Variants in HIVEP3 observed in about 807,000 individuals in gnomAD.
HIVEP3 encodes the protein HIVEP zinc finger 3.
Under a neutral mutation model 152.8 loss-of-function variants are expected in HIVEP3, and 49 were observed. That is an observed-to-expected ratio of 0.32 (90% CI 0.26 to 0.41). The LOEUF (loss-of-function observed/expected upper bound fraction) is 0.41, where lower values mean the gene tolerates loss of function less well. HIVEP3 is among the 10% of genes least tolerant of loss of function. The pLI is 1.00. For synonymous variants in HIVEP3, 1,269 were observed against 1,289.0 expected (o/e 0.98, Z 0.33); for missense variants, 2,790 against 3,103.3 (o/e 0.90, Z 2.40).
At chr1:41,700,787 G>A (rs1646350791) in intron 2 of HIVEP3, 129 bp downstream of exon 2, 2 of 226,440 alleles carry the variant, frequency 8.8e-6, no homozygotes, top group Non-Finnish European at 1.5e-5. Context: ...TCGGTAGCGT[G>A]TGGGGCTCCA....
intron 5 of HIVEP3, 85 bp downstream of exon 5, chr1:41,575,459 C>T (rs1569967026): frequency 1.4e-6 from 2 of 1,468,660 alleles, no homozygotes; most frequent in East Asian, 4.5e-5. Context: ...CCCTTGCCAA[C>T]TGAGCCACTG....
chr1:41,742,852 G>A (rs1364643847), intron 1 of HIVEP3, among the ~76,000 whole-genome samples: 1 of 152,176 alleles, frequency 6.6e-6, no homozygotes, highest in African/African-American at 2.4e-5. Context: ...TGTGTAACAG[G>A]GGAGTGAGGA....
chr1:41,852,487 T>C (rs1212688474), intron 1 of HIVEP3, among the ~76,000 whole-genome samples: 2 of 152,224 alleles, frequency 1.3e-5, no homozygotes, highest in Non-Finnish European at 2.9e-5. Context: ...GCTTCCCTCT[T>C]ATGACCAGGC....
intron 5 of HIVEP3, among the ~76,000 whole-genome samples, chr1:41,528,109 C>T (rs1643066739): frequency 6.8e-6 from 1 of 146,210 alleles, no homozygotes; most frequent in South Asian, 2.2e-4. Context: ...CACACCCCAC[C>T]CTCACACCCT....
intron 1 of HIVEP3, among the ~76,000 whole-genome samples, chr1:42,030,367 C>T (rs779652891): frequency 3.9e-5 from 6 of 152,206 alleles, no homozygotes; most frequent in African/African-American, 4.8e-5. Context: ...ATAACCCTGC[C>T]CTAGAGGGTC....
intron 3 of HIVEP3, among the ~76,000 whole-genome samples, chr1:41,588,410 C>A (rs142105235): frequency 7.8e-4 from 119 of 152,212 alleles, no homozygotes; most frequent in African/African-American, 2.7e-3. Context: ...GCTGGCCAGG[C>A]AGGACTCTAC....
At chr1:41,815,591 T>C (rs1341273304) in intron 1 of HIVEP3, among the ~76,000 whole-genome samples, 3 of 151,956 alleles carry the variant, frequency 2.0e-5, no homozygotes, top group Admixed American at 6.6e-5. Context: ...ACCTAGACAG[T>C]TCAAAGGGAA....
chr1:41,762,497 G>A (rs1401104088), intron 1 of HIVEP3, among the ~76,000 whole-genome samples: 1 of 152,336 alleles, frequency 6.6e-6, no homozygotes, highest in East Asian at 1.9e-4. Context: ...CTGTTAGCAT[G>A]CTCTAACACC....
rs140466098 is a variant in HIVEP3 at position 41,671,435 on chromosome 1, G to C, written c.-721+29481C>G. ...TGCCGGAGAAACGAATCCTGCTCTC[G>C]GGGGCAGGCACTGGTGGTGTCCAGA... is the stretch of plus-strand genomic sequence containing the variant. On this transcript the variant is annotated intron_variant, in intron 2 of 8. Transcript: ENST00000372583. 1.2e-4 allele frequency among the ~76,000 whole-genome samples: 18 copies of C among 152,290 alleles called. No homozygotes were observed. In the East Asian group the frequency reaches 3.3e-3, roughly 28 times the overall value.
At chr1:41,911,767 C>T (rs1023359388) in intron 1 of HIVEP3, among the ~76,000 whole-genome samples, 3 of 152,148 alleles carry the variant, frequency 2.0e-5, no homozygotes, top group African/African-American at 4.8e-5. Flanking sequence ...CAGGACGAAA[C>T]ATTTAACAAC....
At chr1:41,822,211 C>T (rs548823472) in intron 1 of HIVEP3, among the ~76,000 whole-genome samples, 4 of 152,288 alleles carry the variant, frequency 2.6e-5, no homozygotes, top group Admixed American at 2.6e-4. Context: ...GGGCCTCTCT[C>T]CCTATGTTGC....
intron 2 of HIVEP3, among the ~76,000 whole-genome samples, chr1:41,655,416 C>T (rs968347182): frequency 4.6e-5 from 7 of 151,942 alleles, no homozygotes; most frequent in African/African-American, 1.7e-4. Flanking sequence ...AACCCTGTCT[C>T]TACTAAACGT....
intron 1 of HIVEP3, among the ~76,000 whole-genome samples, chr1:41,896,064 A>G (rs530528793): frequency 2.0e-5 from 3 of 152,178 alleles, no homozygotes; most frequent in Non-Finnish European, 4.4e-5. Flanking sequence ...TGACACATTT[A>G]ACAACGTGGA....
chr1:41,721,596 A>G (rs1047851036), intron 1 of HIVEP3, among the ~76,000 whole-genome samples: 2 of 152,230 alleles, frequency 1.3e-5, no homozygotes, highest in African/African-American at 4.8e-5. Context: ...GCAAATATTT[A>G]TATAATCTGG....
intron 1 of HIVEP3, among the ~76,000 whole-genome samples, chr1:41,770,224 C>T (rs1648266367): frequency 6.6e-6 from 1 of 152,062 alleles, no homozygotes. Context: ...CTGCCCACCT[C>T]GGCCTCCCAA....
At chr1:42,021,492 G>A (rs1195102065) in intron 1 of HIVEP3, among the ~76,000 whole-genome samples, 1 of 152,106 alleles carries the variant, frequency 6.6e-6, no homozygotes, top group African/African-American at 2.4e-5. Context: ...TTGGGAGTCA[G>A]GAGTTTGGTA....
chr1:41,952,602 C>T (rs1645114662), intron 1 of HIVEP3, among the ~76,000 whole-genome samples: 1 of 152,154 alleles, frequency 6.6e-6, no homozygotes, highest in African/African-American at 2.4e-5. Context: ...TGAAAGTTCC[C>T]TTCCCACTTC....
intron 5 of HIVEP3, among the ~76,000 whole-genome samples, chr1:41,540,131 G>A (rs1486721133): frequency 1.3e-5 from 2 of 152,218 alleles, no homozygotes; most frequent in Admixed American, 6.5e-5. Flanking sequence ...GGGGCTGTGC[G>A]GGGCAGCAGC....
intron 2 of HIVEP3, among the ~76,000 whole-genome samples, chr1:41,643,496 C>A (rs1014917877): frequency 6.6e-6 from 1 of 152,238 alleles, no homozygotes; most frequent in African/African-American, 2.4e-5. Flanking sequence ...AAACACACCA[C>A]CACTGCCCTG....
Sources: gnomAD v4.1 joint callset for allele counts (sites outside exome capture counted in the v4.1 genomes callset) on GRCh38, gnomAD v4.1.1 for gene constraint, MANE v1.5 for transcripts, NCBI Gene and HGNC (gene_info 2026-07-23, HGNC 2026-07-21) for gene names.